TLE1: variants seen among roughly 807,000 people sequenced by gnomAD.
The protein encoded by TLE1 is TLE family member 1, transcriptional corepressor, also known as transducin-like enhancer protein 1.
A neutral mutation model predicts 89.8 loss-of-function variants in TLE1; 21 were observed. The ratio of observed to expected loss-of-function variants is 0.23; its 90% CI spans 0.17 to 0.34. TLE1 has a LOEUF of 0.34. Ranked by LOEUF, TLE1 falls within the 10% of genes least tolerant of loss-of-function variation. The pLI, the probability that TLE1 is intolerant of heterozygous loss-of-function variation, is 1.00. For synonymous variants in TLE1, 447 were observed against 407.6 expected (o/e 1.10, Z -1.16); for missense variants, 795 against 1,031.2 (o/e 0.77, Z 3.14).
chr9:81,594,624 G>A (rs947958702), intron 14 of TLE1, among the ~76,000 whole-genome samples: 8 of 152,004 alleles, frequency 5.3e-5, no homozygotes, highest in African/African-American at 1.9e-4. Flanking sequence ...AAGAGAGCTA[G>A]AAGTTCAAAC....
chr9:81,650,305 G>A (rs1346334764), intron 6 of TLE1, among the ~76,000 whole-genome samples: 1 of 152,172 alleles, frequency 6.6e-6, no homozygotes, highest in Non-Finnish European at 1.5e-5. Flanking sequence ...ACAAGAGCTG[G>A]GCGGTGCCTT....
chr9:81,622,635 G>A (rs982736453), intron 8 of TLE1, among the ~76,000 whole-genome samples: 9 of 152,190 alleles, frequency 5.9e-5, no homozygotes, highest in African/African-American at 2.2e-4. Flanking sequence ...CGCTTGAGCG[G>A]CTTAAATGAA....
chr9:81,622,053 G>C (rs968081534), intron 8 of TLE1, among the ~76,000 whole-genome samples: 1 of 152,138 alleles, frequency 6.6e-6, no homozygotes, highest in Non-Finnish European at 1.5e-5. Context: ...ATACATGTCC[G>C]CTAAAAGCTA....
At chr9:81,652,132 C>T in intron 6 of TLE1, 82 bp downstream of exon 6, 3 of 1,376,750 alleles carry the variant, frequency 2.2e-6, no homozygotes, top group Non-Finnish European at 3.1e-6. Flanking sequence ...CACACACACA[C>T]ACACACGTAA....
Position 81,687,396 on chromosome 9 carries a change from A to C in TLE1, c.63T>G (p.Thr21=), listed in dbSNP as rs147523347. ...TAATCCGGTCCAGGGACTCCGGGATAGTGAACTTGAAGGGCTGGCCTGCAG... is the reference window on the plus strand; with the variant it reads ...TAATCCGGTCCAGGGACTCCGGGATCGTGAACTTGAAGGGCTGGCCTGCAG... ...HQAAGQPFKF[T]IPESLDRIKE... Residue 21 remains threonine (T), a synonymous_variant, in exon 2 of 20, where the codon ACT becomes ACG. Coordinates refer to ENST00000376499, the MANE Select transcript of TLE1 (RefSeq NM_005077.5). 1.2e-6 allele frequency: 2 copies of C among 1,611,314 alleles called. No individual in the cohort carries two copies. The highest frequency in any genetic ancestry group is 1.7e-6 in the Non-Finnish European group (2 of 1,179,464).
At position 81,620,323 on chromosome 9, in the gene TLE1, C is replaced by A. The variant is rs936544815; in HGVS notation, c.711+118G>T. 7.3e-6 allele frequency: 6 copies of A among 821,836 alleles called. No individual in the cohort carries two copies. In the African/African-American group the frequency reaches 1.0e-4, roughly 14 times the overall value. The allele number at this position is 821,836 out of a possible 1,614,324, so 50.9% of individuals were successfully genotyped here. A position where few individuals can be genotyped will look rare whatever the true frequency, so the allele number is the denominator to read the frequency against. On this transcript the variant is annotated intron_variant, in intron 9 of 19. Coordinates refer to ENST00000376499, the MANE Select transcript of TLE1 (RefSeq NM_005077.5). ...ACTATCCTACAATGTAAGAACCTCT[C>A]CTCTTTACAGTATTATGTTTAAGGA... is the stretch of plus-strand genomic sequence containing the variant.
chr9:81,593,772 A>T (rs542255503), intron 14 of TLE1, among the ~76,000 whole-genome samples: 182 of 152,342 alleles, frequency 1.2e-3, no homozygotes, highest in African/African-American at 3.9e-3. Flanking sequence ...TAAAAATACC[A>T]GTTTATGGTA....
In TLE1 at chr9:81,584,291, C is replaced by A. The variant is rs113310260; in HGVS notation, c.2220G>T (p.Ser740=). ...CAGAGATGTCACAGCTAAGCACTGA[C>A]GAGGACTCTTTGGACTGGAAGAGAA... ...GASIFQSKES[S]SVLSCDISVD... The change falls in exon 20 of 20, where the codon TCG becomes TCT. Residue 740 remains serine (S), a synonymous_variant. Coordinates refer to ENST00000376499, the MANE Select transcript of TLE1 (RefSeq NM_005077.5). 1.9e-6 allele frequency: 3 copies of A among 1,614,090 alleles called. No individual in the cohort carries two copies. Among genetic ancestry groups the A allele is most frequent in the Non-Finnish European group, 2.5e-6 (3 of 1,180,014 alleles).
At position 81,584,217 on chromosome 9, in the gene TLE1, A is replaced by G. The variant is rs761323211; in HGVS notation, c.2294T>C (p.Val765Ala). The G allele has an allele frequency of 6.2e-7, 1 of 1,614,066 alleles. No individual in the cohort carries two copies. The highest frequency in any genetic ancestry group is 1.1e-5 in the South Asian group (1 of 91,080). Residue 765 changes from valine (V) to alanine (A), a missense_variant, in exon 20 of 20, where the codon GTC becomes GCC. This residue lies in a region of TLE1 where 214 missense variants were observed against 354.9 expected (regional missense o/e 0.60). Transcript: ENST00000376499. The part of the protein sequence containing the change: ...VTGSGDKKAT[V>A]YEVIY ...ATGTTTTCAGTAGATGACTTCATAG[A>G]CTGTAGCCTTCTTGTCCCCCGAGCC...
chr9:81,611,410 G>T (rs138818364), intron 13 of TLE1, among the ~76,000 whole-genome samples: 2 of 152,152 alleles, frequency 1.3e-5, no homozygotes, highest in African/African-American at 2.4e-5. Flanking sequence ...GAATGAAAAG[G>T]CTTCTGTGAA....
intron 9 of TLE1, among the ~76,000 whole-genome samples, chr9:81,618,785 C>T (rs1489407247): frequency 6.6e-6 from 1 of 152,158 alleles, no homozygotes; most frequent in Non-Finnish European, 1.5e-5. Flanking sequence ...AAGTAGCAAA[C>T]TATTCCTTTG....
intron 14 of TLE1, among the ~76,000 whole-genome samples, chr9:81,600,628 CAAA>C (rs35107385): frequency 1.8e-4 from 25 of 135,756 alleles, no homozygotes; most frequent in African/African-American, 3.0e-4. Flanking sequence ...TTTAATAGAC[CAAA>C]AAAAAAAAAA....
intron 4 of TLE1, among the ~76,000 whole-genome samples, chr9:81,662,732 G>A (rs1299307490): frequency 1.3e-5 from 2 of 151,818 alleles, no homozygotes; most frequent in Admixed American, 1.3e-4. Context: ...GCCAAGCACC[G>A]TAAATTGATA....
chr9:81,633,457 A>G (rs1354598667), intron 7 of TLE1, 93 bp from the exon 8 acceptor site: 2 of 1,589,566 alleles, frequency 1.3e-6, no homozygotes, highest in Admixed American at 1.7e-5. Flanking sequence ...TAATTAGAAC[A>G]CAAGCCCCAA....
intron 4 of TLE1, among the ~76,000 whole-genome samples, chr9:81,664,944 C>T (rs1831274904): frequency 6.6e-6 from 1 of 152,152 alleles, no homozygotes; most frequent in Non-Finnish European, 1.5e-5. Flanking sequence ...AGAAGCACTG[C>T]CATCTATTTC....
Position 81,652,288 on chromosome 9 carries a change from G to A in TLE1, c.298C>T (p.His100Tyr). The A allele has an allele frequency of 6.2e-7, 1 of 1,613,064 alleles. No individual in the cohort carries two copies. Among genetic ancestry groups the A allele is most frequent in the Non-Finnish European group, 8.5e-7 (1 of 1,179,380 alleles). Residue 100 changes from histidine to tyrosine, a missense_variant and splice_region_variant, in exon 6 of 20, where the codon CAT becomes TAT. Transcript: ENST00000376499. ...ACAGCCTGGGCCACCTGTTGTTGAT[G>A]CTTTGAAAACAAGGAGAAGAAAGGG... is the stretch of plus-strand genomic sequence containing the variant. The part of the protein sequence containing the change: ...AQVIPFLSQE[H>Y]QQQVAQAVER...
chr9:81,609,834 G>A (rs927059528), intron 14 of TLE1, among the ~76,000 whole-genome samples: 2 of 152,226 alleles, frequency 1.3e-5, no homozygotes, highest in African/African-American at 4.8e-5. Context: ...GCCTGCAAGA[G>A]TTCGTGACAG....
At chr9:81,648,941 C>T (rs1292641292) in intron 6 of TLE1, among the ~76,000 whole-genome samples, 2 of 152,150 alleles carry the variant, frequency 1.3e-5, no homozygotes, top group African/African-American at 4.8e-5. Flanking sequence ...GTGTGTCAAA[C>T]CAAATAAACC....
At chr9:81,650,465 T>A (rs1829405302) in intron 6 of TLE1, among the ~76,000 whole-genome samples, 1 of 152,328 alleles carries the variant, frequency 6.6e-6, no homozygotes, top group South Asian at 2.1e-4. Context: ...GGCTTTTCCA[T>A]CCTCATTCAT....
Sources: gnomAD v4.1 joint callset for allele counts (sites outside exome capture counted in the v4.1 genomes callset) on GRCh38, gnomAD v4.1.1 for gene constraint, gnomAD v4.1.1 regional missense constraint, MANE v1.5 for transcripts, NCBI Gene and HGNC (gene_info 2026-07-23, HGNC 2026-07-21) for gene names.